The following LRBA variants were observed in gnomAD, a reference collection of about 807,000 sequenced individuals.
LRBA encodes the protein LPS responsive beige-like anchor protein, also known as lipopolysaccharide-responsive and beige-like anchor protein.
In LRBA, 176 loss-of-function variants were observed where a neutral mutation model predicts 330.0. That is an observed-to-expected ratio of 0.53 (90% CI 0.47 to 0.60). The LOEUF is 0.60. Ranked by LOEUF, LRBA falls within the 20% of genes least tolerant of loss-of-function variation. LRBA has a pLI of 0.00. For synonymous variants in LRBA, 1,230 were observed against 1,193.0 expected, an observed-to-expected ratio of 1.03 and a Z score of -0.64; for missense variants, 3,259 against 3,444.8, an observed-to-expected ratio of 0.95 and a Z score of 1.35.
intron 37 of LRBA, among the ~76,000 whole-genome samples, chr4:150,635,450 C>A (rs1410237167): frequency 6.6e-6 from 1 of 152,110 alleles, no homozygotes; most frequent in Non-Finnish European, 1.5e-5. Flanking sequence ...TATCATTATT[C>A]TCTCCACCAT....
At chr4:150,734,001 G>T (rs1422905361) in intron 36 of LRBA, among the ~76,000 whole-genome samples, 2 of 152,046 alleles carry the variant, frequency 1.3e-5, no homozygotes, top group African/African-American at 4.8e-5. Flanking sequence ...TCTTGCACTT[G>T]CAAGAACATC....
intron 2 of LRBA, among the ~76,000 whole-genome samples, chr4:150,954,766 T>A: frequency 5.8e-5 from 4 of 68,748 alleles, no homozygotes; most frequent in South Asian, 4.2e-4. Flanking sequence ...GATCAATAAA[T>A]ACTAAAAAAT....
intron 2 of LRBA, among the ~76,000 whole-genome samples, chr4:150,976,292 C>T (rs72721721): frequency 1.0e-3 from 159 of 152,062 alleles, no homozygotes; most frequent in Non-Finnish European, 1.6e-3. Context: ...TATAGCCTCA[C>T]CATAAACTCA....
At chr4:150,815,211 C>T (rs958706579) in intron 31 of LRBA, among the ~76,000 whole-genome samples, 32 of 151,672 alleles carry the variant, frequency 2.1e-4, no homozygotes, top group African/African-American at 7.7e-4. Context: ...ATATTAATAA[C>T]TATTGCATTT....
rs986195381 is a variant in LRBA, at chr4:150,956,535, G to A, written c.217-27470C>T. 5.4e-5 allele frequency among the ~76,000 whole-genome samples: 8 copies of A among 148,718 alleles called. 1 individual carries two copies. The highest frequency in any genetic ancestry group is 1.9e-4 in the East Asian group (1 of 5,186). ...ACATCCCAGCTAAATCTATGAGGCC[G>A]GTACTAACCTTATGCCAAGATCAGA... On this transcript the variant is annotated intron_variant, in intron 2 of 56. Coordinates refer to ENST00000651943, the MANE Select transcript of LRBA (RefSeq NM_001364905.1).
intron 40 of LRBA, among the ~76,000 whole-genome samples, chr4:150,513,122 T>C (rs1224427427): frequency 2.0e-5 from 3 of 152,206 alleles, no homozygotes; most frequent in Non-Finnish European, 2.9e-5. Context: ...GAATGTATGA[T>C]GGCACACAAA....
chr4:150,273,098 C>A (rs1746338305), intron 56 of LRBA, among the ~76,000 whole-genome samples: 1 of 152,214 alleles, frequency 6.6e-6, no homozygotes, highest in African/African-American at 2.4e-5. Context: ...GCCCATCAGA[C>A]TAACAGCGGA....
chr4:150,658,103 C>T (rs1780394459), intron 37 of LRBA, among the ~76,000 whole-genome samples: 1 of 151,952 alleles, frequency 6.6e-6, no homozygotes, highest in African/African-American at 2.4e-5. Flanking sequence ...AAGGAGATAG[C>T]CTTTGACTAA....
intron 34 of LRBA, among the ~76,000 whole-genome samples, chr4:150,790,773 G>A (rs773303837): frequency 4.2e-4 from 64 of 152,102 alleles, no homozygotes; most frequent in Admixed American, 1.8e-3. Context: ...TGTTTTTACT[G>A]CGCACAAAAT....
At chr4:150,546,552 C>T (rs908271258) in intron 40 of LRBA, among the ~76,000 whole-genome samples, 2 of 152,172 alleles carry the variant, frequency 1.3e-5, no homozygotes, top group African/African-American at 4.8e-5. Flanking sequence ...ACCCTTTAGG[C>T]CTCACTCAAA....
intron 40 of LRBA, among the ~76,000 whole-genome samples, chr4:150,505,646 C>G (rs1760962895): frequency 6.6e-6 from 1 of 152,290 alleles, no homozygotes; most frequent in East Asian, 1.9e-4. Context: ...CTAAAATTCA[C>G]ACCCTAACAT....
In LRBA at chr4:150,828,437, G is replaced by A. The variant is rs970538929; in HGVS notation, c.4914C>T (p.Ser1638=). The A allele has an allele frequency of 5.0e-6, 8 of 1,613,986 alleles. No individual in the cohort carries two copies. The highest frequency in any genetic ancestry group is 3.3e-5 in the Admixed American group (2 of 59,982). ...PGVSAGPDAI[S]EVLSTLSLEV... ...CTAAAGAAAGAGTAGATAGCACCTC[G>A]CTGATTGCATCTGGGCCTGCACTGA... The change falls in exon 30 of 57, where the codon AGC becomes AGT. Residue 1638 remains serine, a synonymous_variant. Coordinates refer to ENST00000651943, the MANE Select transcript of LRBA (RefSeq NM_001364905.1).
intron 31 of LRBA, among the ~76,000 whole-genome samples, chr4:150,811,978 A>G (rs1242642574): frequency 2.0e-5 from 3 of 152,240 alleles, no homozygotes; most frequent in African/African-American, 7.2e-5. Flanking sequence ...GAGATTTTTT[A>G]CAGTGTCTTA....
chr4:150,908,060 A>G (rs1731546705), intron 11 of LRBA, among the ~76,000 whole-genome samples: 2 of 152,198 alleles, frequency 1.3e-5, no homozygotes, highest in Non-Finnish European at 2.9e-5. Context: ...TTTAGACAAA[A>G]AAATGTATTT....
intron 40 of LRBA, among the ~76,000 whole-genome samples, chr4:150,517,942 T>A (rs1762534519): frequency 6.6e-6 from 1 of 152,240 alleles, no homozygotes; most frequent in Non-Finnish European, 1.5e-5. Context: ...ACTGTGCTGG[T>A]AACTTTTGCA....
At chr4:150,637,046 GTTC>G (rs1561453120) in intron 37 of LRBA, among the ~76,000 whole-genome samples, 1 of 151,792 alleles carries the variant, frequency 6.6e-6, no homozygotes, top group Non-Finnish European at 1.5e-5. Flanking sequence ...GTAATTTTTT[GTTC>G]TTCTTTTCAT....
At chr4:150,621,754 A>G (rs1776312735) in intron 37 of LRBA, among the ~76,000 whole-genome samples, 1 of 152,236 alleles carries the variant, frequency 6.6e-6, no homozygotes, top group South Asian at 2.1e-4. Flanking sequence ...TGCTGAAGGA[A>G]ATGGAATTAA....
chr4:150,579,883 C>G (rs1237723647), intron 40 of LRBA: 1 of 367,340 alleles, frequency 2.7e-6, no homozygotes, highest in African/African-American at 2.1e-5. Flanking sequence ...GCGACCACCT[C>G]GAGAGTGGGG....
At chr4:150,579,897 G>A in intron 40 of LRBA, 1 of 362,904 alleles carries the variant, frequency 2.8e-6, no homozygotes, top group Non-Finnish European at 5.5e-6. Flanking sequence ...AGTGGGGCGG[G>A]AAAGCTCCGC....
Sources: gnomAD v4.1 joint callset for allele counts (sites outside exome capture counted in the v4.1 genomes callset) on GRCh38, gnomAD v4.1.1 for gene constraint, MANE v1.5 for transcripts, NCBI Gene and HGNC (gene_info 2026-07-23, HGNC 2026-07-21) for gene names.